Variants in MGST1 observed in about 807,000 individuals in gnomAD.
MGST1 encodes glutathione S-transferase 12.
In MGST1, 5 loss-of-function variants were observed where a neutral mutation model predicts 8.9. That is an observed-to-expected ratio of 0.56 (90% CI 0.29 to 1.19). The LOEUF is 1.19. MGST1 is among the 50% of genes most tolerant of loss of function. The pLI is 0.08. For missense variants in MGST1, 182 were observed against 187.4 expected (o/e 0.97, Z 0.17); for synonymous variants, 54 against 67.8 (o/e 0.80, Z 1.00).
chr12:16,554,345 T>TTCTA (rs1478899755), intron 4 of MGST1, among the ~76,000 whole-genome samples: 2 of 152,238 alleles, frequency 1.3e-5, no homozygotes, highest in African/African-American at 4.8e-5. Flanking sequence ...TATGATTAAT[T>TTCTA]TCTATCTTAC....
At chr12:16,432,725 C>CAGAG (rs879889269) in intron 1 of MGST1, among the ~76,000 whole-genome samples, 52 of 100,016 alleles carry the variant, frequency 5.2e-4, no homozygotes, top group East Asian at 4.5e-3. Flanking sequence ...CACACACACA[C>CAGAG]ACACACAGAG....
In MGST1 at chr12:16,555,127, G is replaced by A. The variant is rs1565480455; in HGVS notation, n.483-34401G>A. ...TGAGTACATGTAAAACACTCAGAAC[G>A]GTGTTTGGTGTTTGACTAATACTTT... On this transcript the variant is annotated intron_variant and non_coding_transcript_variant, in intron 4 of 4. Coordinates refer to the MGST1 transcript ENST00000538857. This position sits in a 1 kb window ranked among gnomAD's most constrained non-coding sequence, Gnocchi z 5.5. 1.3e-5 allele frequency among the ~76,000 whole-genome samples: 2 copies of A among 152,086 alleles called. No homozygotes were observed.
At chr12:16,476,940 T>C (rs1228422167) in intron 4 of MGST1, among the ~76,000 whole-genome samples, 3 of 152,198 alleles carry the variant, frequency 2.0e-5, no homozygotes, top group Non-Finnish European at 4.4e-5. Flanking sequence ...TTTAATTTTA[T>C]AATCTTGAGC....
At position 16,435,003 on chromosome 12, in the gene MGST1, C is replaced by T. The variant is rs577299032; in HGVS notation, n.779-2385C>T. Among the ~76,000 whole-genome samples, 4 of 151,980 alleles carry T rather than the reference C, an allele frequency of 2.6e-5. No individual in the cohort carries two copies. In the East Asian group the frequency reaches 5.8e-4, roughly 22 times the overall value. Reference sequence around the variant, plus strand: ...CTTTCATTGCTAATTTTACATTTATCCGAGATTCTTTTTAAATTTATCTCA... The same window carrying T: ...CTTTCATTGCTAATTTTACATTTATTCGAGATTCTTTTTAAATTTATCTCA... On this transcript the variant is annotated intron_variant and non_coding_transcript_variant, in intron 1 of 1. Transcript: ENST00000359720.
chr12:16,548,824 A>G lies in MGST1; in HGVS notation n.483-40704A>G, dbSNP rs1049730741. On this transcript the variant is annotated intron_variant and non_coding_transcript_variant, in intron 4 of 4. Coordinates refer to the MGST1 transcript ENST00000538857. The surrounding 1 kb of genome is among the most constrained non-coding windows in gnomAD (Gnocchi z 4.2). ...TCACGATTTCATGGAGATTAAAGAT[A>G]ATCTAAACAGATTAAGGCCTTAATC... is the stretch of plus-strand genomic sequence containing the variant. The G allele has an allele frequency of 4.6e-5, 7 of 152,148 alleles. No homozygotes were observed. The highest frequency in any genetic ancestry group is 1.7e-4 in the African/African-American group (7 of 41,428). 9.4% of individuals were successfully genotyped at this position (152,148 alleles called of 1,614,324 possible). A position where few individuals can be genotyped will look rare whatever the true frequency, so the allele number is the denominator to read the frequency against.
chr12:16,357,804 C>A (rs1939791033), intron 3 of MGST1, 105 bp downstream of exon 3: 6 of 772,722 alleles, frequency 7.8e-6, no homozygotes, highest in Middle Eastern at 2.7e-4. Flanking sequence ...AAAAGTGAGA[C>A]CTCTTACCTA....
chr12:16,474,378 A>T (rs1440592289), intron 4 of MGST1, among the ~76,000 whole-genome samples: 2 of 152,198 alleles, frequency 1.3e-5, no homozygotes, highest in African/African-American at 4.8e-5. Flanking sequence ...AAACATTGTC[A>T]ATTCTGATAC....
In MGST1 at chr12:16,589,310, C is replaced by A. The variant is rs1317284074; in HGVS notation, n.483-218C>A. The stretch of plus-strand genomic sequence containing the variant: ...GATCATTGATGGAGAAGGGGCAATA[C>A]CTAATGTAGTAGAATAATGAGAAAC... On this transcript the variant is annotated intron_variant and non_coding_transcript_variant, in intron 4 of 4. Transcript: ENST00000538857. This position sits in a 1 kb window ranked among gnomAD's most constrained non-coding sequence, Gnocchi z 4.2. Among the ~76,000 whole-genome samples, 1 of 151,872 alleles carries A rather than the reference C, an allele frequency of 6.6e-6. No individual in the cohort carries two copies. The highest frequency in any genetic ancestry group is 1.5e-5 in the Non-Finnish European group (1 of 67,950).
chr12:16,484,147 G>A (rs551308533), intron 4 of MGST1, among the ~76,000 whole-genome samples: 1 of 152,260 alleles, frequency 6.6e-6, no homozygotes, highest in Non-Finnish European at 1.5e-5. Flanking sequence ...GATTTAGTTT[G>A]CAATGATCAT....
At chr12:16,566,437 T>C (rs925501618) in intron 4 of MGST1, among the ~76,000 whole-genome samples, 2 of 152,146 alleles carry the variant, frequency 1.3e-5, no homozygotes, top group East Asian at 3.9e-4. Context: ...TGATAAATAA[T>C]GTATGAGGCG....
chr12:16,447,015 C>T (rs764029009), intron 4 of MGST1, among the ~76,000 whole-genome samples: 1 of 151,904 alleles, frequency 6.6e-6, no homozygotes, highest in Non-Finnish European at 1.5e-5. Context: ...TTCCCTAAGC[C>T]TCTCTATTCC....
At chr12:16,427,490 C>T (rs1286324696) in intron 1 of MGST1, among the ~76,000 whole-genome samples, 1 of 152,174 alleles carries the variant, frequency 6.6e-6, no homozygotes, top group African/African-American at 2.4e-5. Context: ...TTAAGCGATT[C>T]ACATGCCTCA....
At chr12:16,494,110 G>A (rs912499359) in intron 4 of MGST1, among the ~76,000 whole-genome samples, 2 of 152,002 alleles carry the variant, frequency 1.3e-5, no homozygotes, top group Non-Finnish European at 2.9e-5. Flanking sequence ...GCATAAAAGC[G>A]GTATGTTCCC....
chr12:16,457,557 CTT>C (rs1384494963), intron 4 of MGST1, among the ~76,000 whole-genome samples: 1 of 151,898 alleles, frequency 6.6e-6, no homozygotes, highest in Admixed American at 6.6e-5. Flanking sequence ...GTGTAATACA[CTT>C]TATATATTAG....
chr12:16,400,623 G>T, intron 1 of MGST1: 1 of 1,326,304 alleles, frequency 7.5e-7, no homozygotes, highest in Non-Finnish European at 1.1e-6. Flanking sequence ...TATGACGCTT[G>T]GTATGTAATT....
Position 16,500,285 on chromosome 12 carries a change from G to A in MGST1, n.483-89243G>A, listed in dbSNP as rs78255741. On this transcript the variant is annotated intron_variant and non_coding_transcript_variant, in intron 4 of 4. Coordinates refer to the MGST1 transcript ENST00000538857. This position sits in a 1 kb window ranked among gnomAD's most constrained non-coding sequence, Gnocchi z 4.3. ...CCAAAATGAAGCAAAGTGTAACTAC[G>A]ATAGTTGGAAAATATAAAATATTTG... 0.015 allele frequency among the ~76,000 whole-genome samples: 2,268 copies of A among 152,238 alleles called. 53 individuals are homozygous for A. Among genetic ancestry groups the A allele is most frequent in the African/African-American group, 0.052 (2,163 of 41,546 alleles).
intron 4 of MGST1, among the ~76,000 whole-genome samples, chr12:16,459,892 A>G (rs1240018643): frequency 6.6e-6 from 1 of 152,100 alleles, no homozygotes; most frequent in Non-Finnish European, 1.5e-5. Flanking sequence ...ATGACCTAAA[A>G]GAGGAATAAT....
At chr12:16,452,792 C>T (rs994663826) in intron 4 of MGST1, among the ~76,000 whole-genome samples, 4 of 151,838 alleles carry the variant, frequency 2.6e-5, no homozygotes, top group Non-Finnish European at 5.9e-5. Context: ...TCCACGACTA[C>T]GTTTCAGTGA....
chr12:16,429,494 C>A (rs1333012198), intron 1 of MGST1, among the ~76,000 whole-genome samples: 2 of 92,884 alleles, frequency 2.2e-5, no homozygotes, highest in Non-Finnish European at 4.6e-5. Context: ...TCCTGCTAGT[C>A]ATCCTTTTTT....
Sources: allele counts gnomAD v4.1 joint callset (sites outside exome capture counted in the v4.1 genomes callset), GRCh38; gene constraint gnomAD v4.1.1; non-coding constraint Gnocchi (gnomAD v3.1); transcripts MANE v1.5; gene names NCBI Gene and HGNC (gene_info 2026-07-23, HGNC 2026-07-21).